BBS9: variants seen among roughly 807,000 people sequenced by gnomAD.
The protein encoded by BBS9 is protein PTHB1.
BBS9 carries 89 observed loss-of-function variants against 117.7 expected under a neutral mutation model. The ratio of observed to expected loss-of-function variants is 0.76; its 90% CI spans 0.64 to 0.90. BBS9 has a LOEUF of 0.90. BBS9 is among the 40% of genes least tolerant of loss of function. The pLI, the probability that BBS9 is intolerant of heterozygous loss-of-function variation, is 0.00. For synonymous variants in BBS9, 379 were observed against 370.9 expected (o/e 1.02, Z -0.25); for missense variants, 982 against 1,042.2 (o/e 0.94, Z 0.80).
At chr7:33,550,055 AT>A (rs11314070) in intron 21 of BBS9, among the ~76,000 whole-genome samples, 94,190 of 151,616 alleles carry the variant, frequency 0.62, 30,187 homozygotes, top group African/African-American at 0.77. Context: ...TCATATAACA[AT>A]TTTTTTTTCA....
chr7:33,521,274 T>C (rs1356569145), intron 20 of BBS9, among the ~76,000 whole-genome samples: 1 of 152,204 alleles, frequency 6.6e-6, no homozygotes, highest in Non-Finnish European at 1.5e-5. Context: ...TCAGAGTGGG[T>C]TGGTTTGCAG....
chr7:33,239,612 AT>A (rs1794132612), intron 5 of BBS9, among the ~76,000 whole-genome samples: 1 of 152,188 alleles, frequency 6.6e-6, no homozygotes, highest in Non-Finnish European at 1.5e-5. Context: ...TTTTTATGAT[AT>A]CAAATATTTT....
At chr7:33,173,141 A>G (rs1343773325) in intron 4 of BBS9, among the ~76,000 whole-genome samples, 1 of 152,220 alleles carries the variant, frequency 6.6e-6, no homozygotes, top group African/African-American at 2.4e-5. Context: ...GGGGGAAGAA[A>G]GCATCCTCTA....
chr7:33,296,634 G>A (rs991460543), intron 9 of BBS9, among the ~76,000 whole-genome samples: 2 of 152,106 alleles, frequency 1.3e-5, no homozygotes, highest in African/African-American at 4.8e-5. Flanking sequence ...ACTTTCTTCT[G>A]TCATCTTGAG....
intron 5 of BBS9, among the ~76,000 whole-genome samples, chr7:33,207,974 A>G (rs996618621): frequency 4.0e-5 from 6 of 151,802 alleles, no homozygotes; most frequent in African/African-American, 1.5e-4. Context: ...TGCCTGGCTT[A>G]TTTTTTGTAT....
At chr7:33,244,764 A>G (rs78528430) in intron 5 of BBS9, among the ~76,000 whole-genome samples, 2,439 of 152,276 alleles carry the variant, frequency 0.016, 70 homozygotes, top group African/African-American at 0.056. Context: ...CAAGTCACAT[A>G]TTTAGGATGT....
chr7:33,524,452 T>G (rs1849149934), intron 20 of BBS9, among the ~76,000 whole-genome samples: 1 of 152,218 alleles, frequency 6.6e-6, no homozygotes, highest in Non-Finnish European at 1.5e-5. Context: ...ATTCAGAGAT[T>G]CAACTTCTTC....
chr7:33,164,653 C>T (rs1430898798), intron 4 of BBS9, among the ~76,000 whole-genome samples: 1 of 151,920 alleles, frequency 6.6e-6, no homozygotes, highest in Non-Finnish European at 1.5e-5. Flanking sequence ...GGATTGCAAC[C>T]CCTGCTTTTT....
At chr7:33,202,795 G>T (rs751764820) in intron 5 of BBS9, among the ~76,000 whole-genome samples, 4 of 152,204 alleles carry the variant, frequency 2.6e-5, no homozygotes, top group Non-Finnish European at 5.9e-5. Flanking sequence ...TTCAACATGA[G>T]ATTTGTGGTG....
chr7:33,316,746 A>G (rs982392407), intron 9 of BBS9, among the ~76,000 whole-genome samples: 1 of 151,874 alleles, frequency 6.6e-6, no homozygotes, highest in Non-Finnish European at 1.5e-5. Context: ...TTTGGTTGTT[A>G]TAGTAGTTCT....
intron 5 of BBS9, among the ~76,000 whole-genome samples, chr7:33,193,224 T>G (rs975287792): frequency 6.6e-6 from 1 of 152,170 alleles, no homozygotes; most frequent in African/African-American, 2.4e-5. Flanking sequence ...TAGGGTTTTA[T>G]TTGGGTTCTT....
intron 21 of BBS9, among the ~76,000 whole-genome samples, chr7:33,582,748 G>A (rs1860193863): frequency 6.6e-6 from 1 of 152,120 alleles, no homozygotes; most frequent in South Asian, 2.1e-4. Context: ...TGGACTTAAA[G>A]AGAATATGAG....
At chr7:33,565,192 T>TAC (rs1856661680) in intron 21 of BBS9, among the ~76,000 whole-genome samples, 1 of 152,212 alleles carries the variant, frequency 6.6e-6, no homozygotes, top group Non-Finnish European at 1.5e-5. Context: ...CTTCATTGTC[T>TAC]TCTGTCCTTC....
rs1045932476 is a variant in BBS9 at position 33,221,896 on chromosome 7, CAT to C, written c.443-35328_443-35327del. Among the ~76,000 whole-genome samples, 31 of 147,500 alleles carry C rather than the reference CAT, an allele frequency of 2.1e-4. No homozygotes were observed. The South Asian group carries it at 3.8e-3, about 18-fold the overall frequency. ...TATGTGATATGAAATGCTTAAAAAT[CAT>C]ATATATATATACACACACACACACA... On this transcript the variant is annotated intron_variant, in intron 5 of 22. Coordinates refer to ENST00000242067, the MANE Select transcript of BBS9 (RefSeq NM_198428.3).
In BBS9 at chr7:33,470,425, TTC is replaced by T. The variant is rs1301624514; in HGVS notation, c.2116-35033_2116-35032del. ...ATATTTTTTTCTATTGCTATTCAGC[TTC>T]TCTCCCTAATCTTCTAACGTAGATT... On this transcript the variant is annotated intron_variant, in intron 19 of 22. Transcript: ENST00000242067. Among the ~76,000 whole-genome samples the T allele has an allele frequency of 3.3e-5, 5 of 152,236 alleles. No individual in the cohort carries two copies. The South Asian group carries it at 1.0e-3, about 32-fold the overall frequency.
At chr7:33,409,544 T>C (rs917625612) in intron 19 of BBS9, among the ~76,000 whole-genome samples, 10 of 152,224 alleles carry the variant, frequency 6.6e-5, no homozygotes, top group Non-Finnish European at 2.9e-5. Flanking sequence ...CCCTGCTGTT[T>C]TGGTTACTGT....
intron 5 of BBS9, among the ~76,000 whole-genome samples, chr7:33,232,123 A>G (rs778571135): frequency 3.9e-5 from 6 of 152,134 alleles, no homozygotes; most frequent in Admixed American, 1.3e-4. Flanking sequence ...TTTTGAACAA[A>G]CCATGAGAAG....
chr7:33,221,338 CA>C (rs1790208577), intron 5 of BBS9, among the ~76,000 whole-genome samples: 1 of 152,058 alleles, frequency 6.6e-6, no homozygotes, highest in Non-Finnish European at 1.5e-5. Context: ...AGCAAGTAGT[CA>C]ATATCTGGAA....
chr7:33,135,373 C>T (rs574392798), intron 1 of BBS9, among the ~76,000 whole-genome samples: 44 of 152,264 alleles, frequency 2.9e-4, no homozygotes, highest in East Asian at 5.8e-4. Flanking sequence ...AAATATTATT[C>T]GAGGTAAGTG....
Sources: allele counts gnomAD v4.1 joint callset (sites outside exome capture counted in the v4.1 genomes callset), GRCh38; gene constraint gnomAD v4.1.1; transcripts MANE v1.5; gene names NCBI Gene and HGNC (gene_info 2026-07-23, HGNC 2026-07-21).